FBN2: variants seen among roughly 807,000 people sequenced by gnomAD.
The protein encoded by FBN2 is fibrillin 2.
Under a neutral mutation model 355.6 loss-of-function variants are expected in FBN2, and 105 were observed. That is an observed-to-expected ratio of 0.30 (90% CI 0.25 to 0.35). The LOEUF is 0.35. FBN2 is among the 10% of genes least tolerant of loss of function. The probability of loss-of-function intolerance (pLI) is 1.00; values close to 1 mark genes in which losing one functional copy is unlikely to be tolerated. For synonymous variants in FBN2, 1,350 were observed against 1,301.2 expected (o/e 1.04, Z -0.81); for missense variants, 3,280 against 3,758.7 (o/e 0.87, Z 3.33).
chr5:128,438,017 C>A (rs1364230808), intron 7 of FBN2, among the ~76,000 whole-genome samples: 1 of 152,132 alleles, frequency 6.6e-6, no homozygotes, highest in Non-Finnish European at 1.5e-5. Flanking sequence ...CTCTTTTCTT[C>A]ATAACATGAC....
chr5:128,487,878 T>G (rs1474473679), intron 5 of FBN2, among the ~76,000 whole-genome samples: 1 of 152,174 alleles, frequency 6.6e-6, no homozygotes, highest in Non-Finnish European at 1.5e-5. Context: ...TAACCCCTTA[T>G]GTCCCTAAAT....
chr5:128,268,305 C>CCTA (rs1042376491), intron 62 of FBN2, among the ~76,000 whole-genome samples: 1 of 151,978 alleles, frequency 6.6e-6, no homozygotes, highest in African/African-American at 2.4e-5. Flanking sequence ...ACACATACAC[C>CCTA]CTACCAAGAC....
chr5:128,456,539 C>T (rs1754400157), intron 6 of FBN2, among the ~76,000 whole-genome samples: 1 of 152,138 alleles, frequency 6.6e-6, no homozygotes, highest in Non-Finnish European at 1.5e-5. Flanking sequence ...AGAGATCCTA[C>T]TGGCATTAGA....
chr5:128,397,281 A>G (rs1427646666), intron 8 of FBN2, among the ~76,000 whole-genome samples: 3 of 152,200 alleles, frequency 2.0e-5, no homozygotes, highest in African/African-American at 4.8e-5. Flanking sequence ...ATCATATACT[A>G]CCTCCTCAAG....
chr5:128,339,111 G>T, intron 25 of FBN2, 50 bp from the exon 26 acceptor site: 1 of 1,600,854 alleles, frequency 6.2e-7, no homozygotes, highest in Non-Finnish European at 8.6e-7. Context: ...AGATAGACTT[G>T]GCCTTCCAAG....
intron 39 of FBN2, 31 bp downstream of exon 39, chr5:128,311,269 C>T: frequency 3.1e-6 from 5 of 1,613,590 alleles, no homozygotes; most frequent in Non-Finnish European, 4.2e-6. Context: ...TTAAACAGCA[C>T]TGAGCATTTT....
intron 8 of FBN2, among the ~76,000 whole-genome samples, chr5:128,396,612 T>C (rs983057895): frequency 1.3e-5 from 2 of 152,226 alleles, no homozygotes; most frequent in Non-Finnish European, 2.9e-5. Flanking sequence ...AATGATCAGA[T>C]AAAGGCTAGA....
intron 32 of FBN2, 137 bp from the exon 33 acceptor site, chr5:128,330,832 G>A (rs1399516833): frequency 3.1e-6 from 3 of 981,342 alleles, no homozygotes; most frequent in East Asian, 2.6e-5. Flanking sequence ...GTTCTAATTC[G>A]CTAAGCTCTC....
At chr5:128,394,630 A>G (rs1300968095) in intron 9 of FBN2, among the ~76,000 whole-genome samples, 1 of 152,232 alleles carries the variant, frequency 6.6e-6, no homozygotes, top group Admixed American at 6.5e-5. Flanking sequence ...AACAAGTCAA[A>G]CAGCTTTCAG....
chr5:128,440,762 G>A (rs1481427816), intron 7 of FBN2, among the ~76,000 whole-genome samples: 1 of 152,124 alleles, frequency 6.6e-6, no homozygotes, highest in Non-Finnish European at 1.5e-5. Flanking sequence ...AATTATTTAG[G>A]CACAGAATAC....
At chr5:128,521,635 T>TTA (rs994170124) in intron 4 of FBN2, among the ~76,000 whole-genome samples, 1 of 152,236 alleles carries the variant, frequency 6.6e-6, no homozygotes, top group African/African-American at 2.4e-5. Context: ...GGAATTTTCT[T>TTA]TAAATGCTAT....
intron 26 of FBN2, 62 bp downstream of exon 26, chr5:128,338,871 C>A (rs981543320): frequency 6.4e-7 from 1 of 1,556,394 alleles, no homozygotes; most frequent in Non-Finnish European, 8.9e-7. Flanking sequence ...AAAGGTCATG[C>A]GCACGAATGA....
chr5:128,519,218 A>AT, intron 5 of FBN2, 55 bp downstream of exon 5: 1 of 1,258,518 alleles, frequency 7.9e-7, no homozygotes, highest in Non-Finnish European at 1.2e-6. Context: ...AAAATTATAC[A>AT]TTTTTACAAT....
rs556680520 is a variant in FBN2 at position 128,480,832 on chromosome 5, C to T, written c.629-15911G>A. On this transcript the variant is annotated intron_variant, in intron 5 of 64. Coordinates refer to ENST00000262464, the MANE Select transcript of FBN2 (RefSeq NM_001999.4). ...CTCTCTGGTTTTCCAAAACACTTTC[C>T]TATGCGTTATTTCATTATGTCATGA... 3.3e-5 allele frequency among the ~76,000 whole-genome samples: 5 copies of T among 152,308 alleles called. No homozygotes were observed. In the East Asian group the frequency reaches 5.8e-4, roughly 18 times the overall value.
Position 128,378,884 on chromosome 5 carries a change from T to C in FBN2, c.1610A>G (p.Asp537Gly), listed in dbSNP as rs565227443. 5 of 1,613,118 alleles carry C rather than the reference T, an allele frequency of 3.1e-6. No individual in the cohort carries two copies. The highest frequency in any genetic ancestry group is 4.5e-5 in the East Asian group (2 of 44,826). Reference protein sequence around the residue: ...QDANGDCIDVDECTSNPCTNG... With the variant: ...QDANGDCIDVGECTSNPCTNG... ...AGTGCAGGGATTTGATGTGCATTCA[T>C]CAACATCTGTGAGCAGCAAAAGAAA... Residue 537 changes from aspartate (D) to glycine (G), a missense_variant, in exon 12 of 65, where the codon GAT becomes GGT. Asp to Gly is a moderately conservative substitution (Grantham distance 94, BLOSUM62 -1). Transcript: ENST00000262464.
In FBN2 at chr5:128,309,987, G is replaced by A. The variant is rs1554120180; in HGVS notation, c.5196C>T (p.Cys1732=). ...ATCTCAGAGTTCTTTACCTACCCAT[G>A]CAGTTGTGGCCTCCATTGACCTGCA... ...EYMQVNGGHN[C]MDMRKSFCYR... Residue 1732 remains cysteine, a synonymous_variant, in exon 40 of 65, where the codon TGC becomes TGT. Coordinates refer to ENST00000262464, the MANE Select transcript of FBN2 (RefSeq NM_001999.4). 6.2e-7 allele frequency: 1 copy of A among 1,613,800 alleles called. No individual in the cohort carries two copies. The highest frequency in any genetic ancestry group is 8.5e-7 in the Non-Finnish European group (1 of 1,179,800).
intron 24 of FBN2, 98 bp from the exon 25 acceptor site, chr5:128,344,608 G>T: frequency 8.9e-7 from 1 of 1,121,472 alleles, no homozygotes; most frequent in Non-Finnish European, 1.3e-6. Context: ...CAACAGTAAT[G>T]CATCCAAGTA....
Position 128,383,607 on chromosome 5 carries a change from C to T in FBN2, c.1604-4717G>A, listed in dbSNP as rs550056183. 3.3e-5 allele frequency among the ~76,000 whole-genome samples: 5 copies of T among 152,110 alleles called. No homozygotes were observed. The East Asian group carries it at 9.7e-4, about 29-fold the overall frequency. On this transcript the variant is annotated intron_variant, in intron 11 of 64. Transcript: ENST00000262464. ...ATATCCAGAGTAAACAAAGAACCCTCAAAACTCAATAAGAAAATAATTTTA... is the reference window on the plus strand; with the variant it reads ...ATATCCAGAGTAAACAAAGAACCCTTAAAACTCAATAAGAAAATAATTTTA...
chr5:128,280,112 T>C (rs1765495525), intron 56 of FBN2, 80 bp downstream of exon 56: 7 of 1,157,650 alleles, frequency 6.0e-6, no homozygotes, highest in Admixed American at 1.7e-5. Flanking sequence ...GACAAGAATA[T>C]ATATGTGGAG....
Sources: gnomAD v4.1 joint callset for allele counts (sites outside exome capture counted in the v4.1 genomes callset) on GRCh38, gnomAD v4.1.1 for gene constraint, MANE v1.5 for transcripts, NCBI Gene and HGNC (gene_info 2026-07-23, HGNC 2026-07-21) for gene names.